The following BANP variants were observed in gnomAD, a reference collection of about 807,000 sequenced individuals.
BANP encodes the protein BTG3 associated nuclear protein.
A neutral mutation model predicts 68.1 loss-of-function variants in BANP; 11 were observed. That is an observed-to-expected ratio of 0.16 (90% CI 0.10 to 0.27). The LOEUF is 0.27. BANP is among the 10% of genes least tolerant of loss of function. BANP has a pLI of 1.00. For synonymous variants in BANP, 329 were observed against 303.2 expected, an observed-to-expected ratio of 1.09 and a Z score of -0.88; for missense variants, 504 against 722.7, an observed-to-expected ratio of 0.70 and a Z score of 3.47.
chr16:87,992,604 G>A (rs1351994846), intron 4 of BANP, among the ~76,000 whole-genome samples: 2 of 152,064 alleles, frequency 1.3e-5, no homozygotes, highest in Non-Finnish European at 2.9e-5. Context: ...GACCAGCCTG[G>A]CTAACGAGGC....
chr16:88,044,004 T>C (rs1298137083), intron 11 of BANP, among the ~76,000 whole-genome samples: 1 of 152,212 alleles, frequency 6.6e-6, no homozygotes, highest in Non-Finnish European at 1.5e-5. Flanking sequence ...ATGGGAACTT[T>C]TGCATAAGGT....
chr16:87,951,587 C>G (rs1306300477), intron 1 of BANP, 72 bp downstream of exon 1: 2 of 151,216 alleles, frequency 1.3e-5, no homozygotes, highest in African/African-American at 4.9e-5. Flanking sequence ...AGAGCGAGAT[C>G]TCCCTCCTCC....
chr16:88,014,998 T>C (rs6540146), intron 6 of BANP, among the ~76,000 whole-genome samples: 137,295 of 148,208 alleles, frequency 0.93, 64,258 homozygotes, highest in Non-Finnish European at 0.99. Context: ...CTGCTTGCCC[T>C]CTCTGCCCGT....
At chr16:88,034,679 A>G (rs955795780) in intron 9 of BANP, among the ~76,000 whole-genome samples, 6 of 152,024 alleles carry the variant, frequency 3.9e-5, no homozygotes, top group African/African-American at 1.4e-4. Context: ...GTGATTTTCT[A>G]TTTCCCCTCT....
intron 4 of BANP, among the ~76,000 whole-genome samples, chr16:87,996,449 G>A (rs1006008817): frequency 6.7e-6 from 1 of 149,588 alleles, no homozygotes; most frequent in South Asian, 2.1e-4. Context: ...CTGGGCCCTC[G>A]TCCGGGTGCC....
At position 88,038,027 on chromosome 16, in the gene BANP, C is replaced by T. The variant is rs759554913; in HGVS notation, c.1311+16C>T. On this transcript the variant is annotated intron_variant, in intron 11 of 13. Transcript: ENST00000682872. ...GGACGGTCAGGTGAGTGTCCCAGTC[C>T]CCATGCACATGCGGGCGTTGCGCTG... 6.2e-7 allele frequency: 1 copy of T among 1,613,378 alleles called. No individual in the cohort carries two copies. The highest frequency in any genetic ancestry group is 2.2e-5 in the East Asian group (1 of 44,876).
At chr16:87,981,282 T>A (rs2063211988) in intron 3 of BANP, among the ~76,000 whole-genome samples, 155 bp downstream of exon 3, 1 of 152,214 alleles carries the variant, frequency 6.6e-6, no homozygotes, top group Non-Finnish European at 1.5e-5. Flanking sequence ...TCTCGCTCCC[T>A]CCAAAGGTTC....
At chr16:88,043,622 T>C (rs1374858257) in intron 11 of BANP, among the ~76,000 whole-genome samples, 2 of 152,194 alleles carry the variant, frequency 1.3e-5, no homozygotes, top group Admixed American at 6.5e-5. Context: ...CTTAAGGGAT[T>C]GCAGAATTGG....
Position 88,032,097 on chromosome 16 carries a change from G to A in BANP, c.1064-1012G>A, listed in dbSNP as rs539733432. On this transcript the variant is annotated intron_variant, in intron 8 of 13. Coordinates refer to ENST00000682872, the MANE Select transcript of BANP (RefSeq NM_001386991.1). ...TGGGATTACAGGCGTGAGCCACCGC[G>A]CCTGGCCCGCTTCTCTTTAATAATC... 2.6e-5 allele frequency among the ~76,000 whole-genome samples: 4 copies of A among 152,006 alleles called. No homozygotes were observed. The East Asian group carries it at 7.8e-4, about 30-fold the overall frequency.
At chr16:87,989,312 A>G (rs1411011838) in intron 4 of BANP, among the ~76,000 whole-genome samples, 1 of 152,186 alleles carries the variant, frequency 6.6e-6, no homozygotes, top group African/African-American at 2.4e-5. Flanking sequence ...ATTTTGGTGT[A>G]GTGACCCGAG....
intron 7 of BANP, among the ~76,000 whole-genome samples, chr16:88,019,941 C>T (rs1301235605): frequency 6.6e-6 from 1 of 152,192 alleles, no homozygotes. Context: ...AGGTCCCACC[C>T]ACATGCGTGT....
chr16:87,971,787 C>T (rs562698409), intron 1 of BANP, among the ~76,000 whole-genome samples: 1 of 152,076 alleles, frequency 6.6e-6, no homozygotes, highest in East Asian at 1.9e-4. Context: ...TATTCCATTT[C>T]ATTGCTTTAG....
chr16:87,975,085 T>A lies in BANP; in HGVS notation c.-31T>A. 3 of 1,596,300 alleles carry A rather than the reference T, an allele frequency of 1.9e-6. No homozygotes were observed. Among genetic ancestry groups the A allele is most frequent in the Non-Finnish European group, 2.6e-6 (3 of 1,166,830 alleles). On this transcript the variant is annotated 5_prime_UTR_variant, in exon 2 of 14. Coordinates refer to ENST00000682872, the MANE Select transcript of BANP (RefSeq NM_001386991.1). ...CAGCCCCACTGTGAGTTGAACTCTT[T>A]CGTGTTGACCGGCCACTCTCCGTGC...
At chr16:87,966,300 T>G (rs1204128436) in intron 1 of BANP, among the ~76,000 whole-genome samples, 1 of 152,214 alleles carries the variant, frequency 6.6e-6, no homozygotes, top group East Asian at 1.9e-4. Context: ...CATCTCTTGG[T>G]GGACTTGGTA....
chr16:88,050,177 G>C (rs1259171051), intron 11 of BANP, among the ~76,000 whole-genome samples: 1 of 152,192 alleles, frequency 6.6e-6, no homozygotes, highest in African/African-American at 2.4e-5. Flanking sequence ...TAATCGATGA[G>C]ACACAGTCTC....
At chr16:88,020,545 G>A (rs2075821543) in intron 7 of BANP, among the ~76,000 whole-genome samples, 1 of 152,276 alleles carries the variant, frequency 6.6e-6, no homozygotes, top group Admixed American at 6.5e-5. Context: ...CAACCTGAGA[G>A]GTGGCATTGT....
chr16:88,046,156 C>T (rs375926759), intron 11 of BANP, among the ~76,000 whole-genome samples: 6 of 152,228 alleles, frequency 3.9e-5, no homozygotes, highest in South Asian at 2.1e-4. Flanking sequence ...ATTTGAGTGA[C>T]GTCACTGGAC....
intron 11 of BANP, among the ~76,000 whole-genome samples, chr16:88,043,840 G>C (rs939761293): frequency 7.9e-5 from 12 of 152,150 alleles, no homozygotes; most frequent in South Asian, 6.2e-4. Flanking sequence ...AAGGATAATA[G>C]AATCTTTAAT....
intron 6 of BANP, among the ~76,000 whole-genome samples, chr16:88,017,972 G>C (rs2074979656): frequency 6.6e-6 from 1 of 152,142 alleles, no homozygotes; most frequent in African/African-American, 2.4e-5. Flanking sequence ...TGATGCTAGA[G>C]CCCCTCACCT....
Sources: gnomAD v4.1 joint callset for allele counts (sites outside exome capture counted in the v4.1 genomes callset) on GRCh38, gnomAD v4.1.1 for gene constraint, MANE v1.5 for transcripts, NCBI Gene and HGNC (gene_info 2026-07-23, HGNC 2026-07-21) for gene names.